The following SCHIP1 variants were observed in gnomAD, a reference collection of about 807,000 sequenced individuals.
The protein encoded by SCHIP1 is schwannomin interacting protein 1, also known as schwannomin-interacting protein 1.
SCHIP1 carries 8 observed loss-of-function variants against 29.7 expected under a neutral mutation model. The observed-to-expected ratio is 0.27, with a 90% CI of 0.16 to 0.49. SCHIP1 has a LOEUF of 0.49. Among genes scored for constraint, SCHIP1 ranks in the 20% least tolerant of loss-of-function variants. SCHIP1 has a pLI of 0.99. For synonymous variants in SCHIP1, 76 were observed against 94.9 expected, an observed-to-expected ratio of 0.80 and a Z score of 1.16; for missense variants, 193 against 294.6, an observed-to-expected ratio of 0.66 and a Z score of 2.52.
chr3:159,707,412 G>T, the SCHIP1 span, among the ~76,000 whole-genome samples: 3 of 152,184 alleles, frequency 2.0e-5, no homozygotes, highest in South Asian at 2.1e-4. Flanking sequence ...TATTTCACAG[G>T]GTTAAGATAA....
At chr3:159,534,872 TTATGTATC>T in the SCHIP1 span, among the ~76,000 whole-genome samples, 1 of 152,182 alleles carries the variant, frequency 6.6e-6, no homozygotes, top group Non-Finnish European at 1.5e-5. Flanking sequence ...ACATCCAAGT[TTATGTATC>T]TATGAAGGCT....
At chr3:159,795,572 G>T in the SCHIP1 span, among the ~76,000 whole-genome samples, 4 of 152,170 alleles carry the variant, frequency 2.6e-5, no homozygotes, top group Admixed American at 2.6e-4. Flanking sequence ...CCCAGACAGG[G>T]GTTCCTGACA....
chr3:159,597,998 G>A, the SCHIP1 span, among the ~76,000 whole-genome samples: 4 of 152,062 alleles, frequency 2.6e-5, no homozygotes, highest in Non-Finnish European at 4.4e-5. Flanking sequence ...GTGAGCATAG[G>A]GGAAACTGCC....
At chr3:159,709,628 T>C in the SCHIP1 span, among the ~76,000 whole-genome samples, 1 of 152,222 alleles carries the variant, frequency 6.6e-6, no homozygotes. Flanking sequence ...TGCTGAAAGT[T>C]TCTCACTCTT....
the SCHIP1 span, among the ~76,000 whole-genome samples, chr3:159,680,558 TATA>T: frequency 2.6e-5 from 3 of 117,312 alleles, no homozygotes; most frequent in African/African-American, 9.7e-5. Context: ...ATATAATATA[TATA>T]ATATATGTAT....
At chr3:159,315,393 CT>C in the SCHIP1 span, among the ~76,000 whole-genome samples, 9,581 of 136,268 alleles carry the variant, frequency 0.07, 1,070 homozygotes, top group African/African-American at 0.24. Context: ...TATTTTCTTT[CT>C]TTTTTTTTTT....
the SCHIP1 span, among the ~76,000 whole-genome samples, chr3:159,470,664 C>A: frequency 6.6e-6 from 1 of 151,976 alleles, no homozygotes; most frequent in African/African-American, 2.4e-5. Context: ...ATGTCCTTTC[C>A]TTTCCTCTCA....
chr3:159,838,093 TGA>T (rs1372363735), upstream of SCHIP1, among the ~76,000 whole-genome samples: 3 of 152,170 alleles, frequency 2.0e-5, no homozygotes, highest in African/African-American at 7.2e-5. Flanking sequence ...TACCAGGAGT[TGA>T]GTTTTCAGGG....
At chr3:159,799,455 C>G in the SCHIP1 span, among the ~76,000 whole-genome samples, 5 of 152,186 alleles carry the variant, frequency 3.3e-5, no homozygotes, top group Admixed American at 3.3e-4. Flanking sequence ...ATATGTTTAT[C>G]CAATAAAAGT....
At chr3:159,484,111 C>T in the SCHIP1 span, among the ~76,000 whole-genome samples, 1 of 152,122 alleles carries the variant, frequency 6.6e-6, no homozygotes. Context: ...ACCAGAGACA[C>T]CACATGGGAA....
At chr3:159,486,429 G>A in the SCHIP1 span, among the ~76,000 whole-genome samples, 1 of 152,102 alleles carries the variant, frequency 6.6e-6, no homozygotes, top group Non-Finnish European at 1.5e-5. Flanking sequence ...ATTTCACTTA[G>A]CCTCTAGGTT....
At chr3:159,813,687 C>CAA in the SCHIP1 span, among the ~76,000 whole-genome samples, 1 of 146,052 alleles carries the variant, frequency 6.8e-6, no homozygotes, top group African/African-American at 2.5e-5. Flanking sequence ...GACGCTATCT[C>CAA]AAAAAAAAAA....
At chr3:159,452,794 A>T in the SCHIP1 span, among the ~76,000 whole-genome samples, 1 of 152,104 alleles carries the variant, frequency 6.6e-6, no homozygotes, top group Non-Finnish European at 1.5e-5. Context: ...CTATTTCTCC[A>T]CAACCTCACC....
chr3:159,275,999 A>G, the SCHIP1 span, among the ~76,000 whole-genome samples: 1 of 152,162 alleles, frequency 6.6e-6, no homozygotes, highest in Non-Finnish European at 1.5e-5. Context: ...GCTACAAAGA[A>G]TGTAGGGGCA....
the SCHIP1 span, among the ~76,000 whole-genome samples, chr3:159,548,886 C>A: frequency 1.3e-5 from 2 of 151,994 alleles, no homozygotes; most frequent in Non-Finnish European, 2.9e-5. Flanking sequence ...GGTTTAGTCA[C>A]CATTGATTTT....
chr3:159,866,318 A>G (rs772430358), intron 2 of SCHIP1, 37 bp downstream of exon 3: 20 of 1,561,754 alleles, frequency 1.3e-5, no homozygotes, highest in Non-Finnish European at 1.6e-5. Flanking sequence ...TGATATGTAC[A>G]CAGTGGATTC....
the SCHIP1 span, among the ~76,000 whole-genome samples, chr3:159,655,838 G>C: frequency 6.6e-6 from 1 of 152,160 alleles, no homozygotes; most frequent in Non-Finnish European, 1.5e-5. Context: ...GCAGTGAGCT[G>C]GGATTGTGCC....
the SCHIP1 span, among the ~76,000 whole-genome samples, chr3:159,552,169 C>T: frequency 2.0e-5 from 3 of 151,722 alleles, no homozygotes; most frequent in African/African-American, 7.3e-5. Flanking sequence ...CCTCAGCCTC[C>T]CAAGTAGCTG....
chr3:159,802,354 A>G, the SCHIP1 span, among the ~76,000 whole-genome samples: 1 of 152,222 alleles, frequency 6.6e-6, no homozygotes, highest in Non-Finnish European at 1.5e-5. Flanking sequence ...ATTGTATCTA[A>G]TTGATAGTTG....
Sources: gnomAD v4.1 joint callset for allele counts (sites outside exome capture counted in the v4.1 genomes callset) on GRCh38, gnomAD v4.1.1 for gene constraint, MANE v1.5 for transcripts, NCBI Gene and HGNC (gene_info 2026-07-23, HGNC 2026-07-21) for gene names.